The following BIRC6 variants were observed in gnomAD, a reference collection of about 807,000 sequenced individuals.
BIRC6 encodes baculoviral IAP repeat containing 6.
BIRC6 carries 98 observed loss-of-function variants against 503.3 expected under a neutral mutation model. That is an observed-to-expected ratio of 0.19 (90% confidence interval 0.17 to 0.23). The LOEUF (loss-of-function observed/expected upper bound fraction) is 0.23, where lower values mean the gene tolerates loss of function less well. Among genes scored for constraint, BIRC6 ranks in the 10% least tolerant of loss-of-function variants. BIRC6 has a pLI of 1.00. For missense variants in BIRC6, 5,360 were observed against 5,806.0 expected, an observed-to-expected ratio of 0.92 and a Z score of 2.50; for synonymous variants, 2,240 against 2,078.7, an observed-to-expected ratio of 1.08 and a Z score of -2.11.
intron 6 of BIRC6, among the ~76,000 whole-genome samples, chr2:32,399,674 C>T (rs1049971361): frequency 6.6e-6 from 1 of 152,230 alleles, no homozygotes; most frequent in African/African-American, 2.4e-5. Flanking sequence ...TAAAGTTGAG[C>T]AGATAGGTGC....
intron 8 of BIRC6, 118 bp downstream of exon 8, chr2:32,401,741 G>A (rs1236515125): frequency 1.2e-6 from 1 of 840,278 alleles, no homozygotes; most frequent in Non-Finnish European, 1.7e-6. Flanking sequence ...TAAGAGATCA[G>A]AGAGTAAATG....
At chr2:32,504,034 TTG>T (rs556051105) in intron 49 of BIRC6, among the ~76,000 whole-genome samples, 5,089 of 78,090 alleles carry the variant, frequency 0.065, 203 homozygotes, top group African/African-American at 0.13. Flanking sequence ...GGGGGGGTGT[TTG>T]TGTGTGTGTG....
Position 32,464,536 on chromosome 2 carries a change from C to G in BIRC6, c.4969C>G (p.Gln1657Glu), listed in dbSNP as rs1318430057. The change falls in exon 25 of 74, where the codon CAG (glutamine) becomes GAG (glutamate). Residue 1657 changes from glutamine (Q) to glutamate (E), a missense_variant. Gln to Glu is a conservative substitution (Grantham distance 29). This residue lies in a region of BIRC6 where 2,299 missense variants were observed against 2,267.2 expected (regional missense o/e 1.01). Transcript: ENST00000421745. The stretch of plus-strand genomic sequence containing the variant: ...AGCAAAGCTGGAAGCCAAGTTACAT[C>G]AGACAACAGCTGCAGCAGCTGCAGC... ...QKAKLEAKLHQTTAAAAAAAS... is the reference protein window; with the variant it reads ...QKAKLEAKLHETTAAAAAAAS... The G allele has an allele frequency of 2.5e-6, 4 of 1,585,820 alleles. No individual in the cohort carries two copies. The highest frequency in any genetic ancestry group is 3.4e-6 in the Non-Finnish European group (4 of 1,164,964).
intron 2 of BIRC6, 62 bp downstream of exon 2, chr2:32,377,831 T>A: frequency 7.3e-7 from 1 of 1,369,236 alleles, no homozygotes; most frequent in East Asian, 2.5e-5. Context: ...ATATTAGATG[T>A]TAAATGAAAT....
chr2:32,545,943 A>G (rs2058026069), intron 63 of BIRC6, 83 bp downstream of exon 63: 3 of 1,249,036 alleles, frequency 2.4e-6, no homozygotes, highest in Middle Eastern at 3.9e-4. Flanking sequence ...TTCTGAATTA[A>G]TCTTTCAGAG....
intron 51 of BIRC6, among the ~76,000 whole-genome samples, chr2:32,508,978 A>G (rs1242710182): frequency 6.6e-6 from 1 of 151,856 alleles, no homozygotes; most frequent in African/African-American, 2.4e-5. Flanking sequence ...CTGAGGCAGG[A>G]GAATCGCTTG....
At chr2:32,436,638 G>A (rs2044737771) in intron 15 of BIRC6, among the ~76,000 whole-genome samples, 1 of 152,038 alleles carries the variant, frequency 6.6e-6, no homozygotes, top group South Asian at 2.1e-4. Flanking sequence ...GGAGTGTAGT[G>A]GCGCTATCTT....
intron 22 of BIRC6, among the ~76,000 whole-genome samples, chr2:32,452,517 G>T (rs1352024344): frequency 6.6e-6 from 1 of 152,008 alleles, no homozygotes; most frequent in Non-Finnish European, 1.5e-5. Context: ...GTTCCTCTAG[G>T]CATATTGTTC....
At chr2:32,520,363 G>A (rs1439282950) in intron 57 of BIRC6, among the ~76,000 whole-genome samples, 1 of 152,100 alleles carries the variant, frequency 6.6e-6, no homozygotes, top group African/African-American at 2.4e-5. Context: ...TATACAATAG[G>A]TTGTTAGCAT....
chr2:32,593,796 A>G, intron 66 of BIRC6, 119 bp from the exon 67 acceptor site: 2 of 885,624 alleles, frequency 2.3e-6, no homozygotes, highest in Non-Finnish European at 3.4e-6. Context: ...GCAAGTTAAT[A>G]TAGATCATGT....
intron 60 of BIRC6, 95 bp from the exon 61 acceptor site, chr2:32,531,260 G>C: frequency 3.9e-6 from 4 of 1,026,412 alleles, no homozygotes; most frequent in Non-Finnish European, 5.5e-6. Flanking sequence ...TTTTTGAGTA[G>C]CAAGAAAGCA....
chr2:32,491,356 C>A, intron 43 of BIRC6, 69 bp from the exon 44 acceptor site: 1 of 1,401,348 alleles, frequency 7.1e-7, no homozygotes, highest in Non-Finnish European at 9.5e-7. Context: ...CTAAAAGATG[C>A]TTTCAGATAC....
chr2:32,360,943 CAG>C (rs1422675137), intron 1 of BIRC6, among the ~76,000 whole-genome samples: 5 of 151,494 alleles, frequency 3.3e-5, no homozygotes, highest in Non-Finnish European at 7.4e-5. Context: ...GTTTCTTTGA[CAG>C]AGTGTCACTC....
At chr2:32,364,956 C>T (rs548148766) in intron 1 of BIRC6, among the ~76,000 whole-genome samples, 3 of 152,138 alleles carry the variant, frequency 2.0e-5, no homozygotes, top group Non-Finnish European at 2.9e-5. Context: ...TCGGTACATG[C>T]GGCATTCCTA....
At chr2:32,559,044 AC>A (rs1350849519) in intron 65 of BIRC6, among the ~76,000 whole-genome samples, 15 of 152,174 alleles carry the variant, frequency 9.9e-5, no homozygotes, top group Non-Finnish European at 1.3e-4. Flanking sequence ...GTTTGAAGAT[AC>A]TTTTCCCCAT....
rs747316206 is a variant in BIRC6, at chr2:32,512,920, T to C, written c.10347-13T>C. 7 of 1,611,884 alleles carry C rather than the reference T, an allele frequency of 4.3e-6. No homozygotes were observed. The highest frequency in any genetic ancestry group is 5.1e-6 in the Non-Finnish European group (6 of 1,178,184). On this transcript the variant is annotated splice_polypyrimidine_tract_variant and intron_variant, in intron 53 of 73. Coordinates refer to ENST00000421745, the MANE Select transcript of BIRC6 (RefSeq NM_016252.4). ...ATATAGTTGGTTATATGAATTCGTT[T>C]TCTTCGTTTAAGAATTCAGGCCTTG...
chr2:32,583,530 G>C (rs566138108), intron 66 of BIRC6, among the ~76,000 whole-genome samples: 1 of 152,284 alleles, frequency 6.6e-6, no homozygotes, highest in South Asian at 2.1e-4. Context: ...GATTAGGCCA[G>C]TATTTTATGT....
At position 32,368,657 on chromosome 2, in the gene BIRC6, CCT is replaced by C. The variant is rs201394012; in HGVS notation, c.326-8930_326-8929del. On this transcript the variant is annotated intron_variant, in intron 1 of 73. Coordinates refer to ENST00000421745, the MANE Select transcript of BIRC6 (RefSeq NM_016252.4). ...CTGGGATAAATGAGAGCTTCCCGCC[CCT>C]GTCCCCTTTTGAAACGGAGTCTCAC... Among the ~76,000 whole-genome samples, 1,219 of 152,160 alleles carry C rather than the reference CCT, an allele frequency of 8.0e-3. 22 individuals are homozygous for C. Among genetic ancestry groups the C allele is most frequent in the African/African-American group, 0.027 (1,109 of 41,522 alleles).
At chr2:32,501,261 A>G (rs1223398275) in intron 46 of BIRC6, among the ~76,000 whole-genome samples, 3 of 152,178 alleles carry the variant, frequency 2.0e-5, no homozygotes, top group Non-Finnish European at 2.9e-5. Flanking sequence ...GATTAGATTA[A>G]AAAGAATAGT....
Sources: gnomAD v4.1 joint callset for allele counts (sites outside exome capture counted in the v4.1 genomes callset) on GRCh38, gnomAD v4.1.1 for gene constraint, gnomAD v4.1.1 regional missense constraint, MANE v1.5 for transcripts, NCBI Gene and HGNC (gene_info 2026-07-23, HGNC 2026-07-21) for gene names.